The following RADIL variants were observed in gnomAD, a reference collection of about 807,000 sequenced individuals.
RADIL encodes ras-associating and dilute domain-containing protein.
Under a neutral mutation model 97.6 loss-of-function variants are expected in RADIL, and 99 were observed. The observed-to-expected ratio is 1.01, with a 90% CI of 0.86 to 1.20. The LOEUF (loss-of-function observed/expected upper bound fraction) is 1.20. Ranked by LOEUF, RADIL falls within the 50% of genes most tolerant of loss-of-function variation. The pLI is 0.00. For missense variants in RADIL, 1,765 were observed against 1,498.9 expected, an observed-to-expected ratio of 1.18 and a Z score of -2.93; for synonymous variants, 803 against 691.8, an observed-to-expected ratio of 1.16 and a Z score of -2.52.
chr7:4,833,216 A>G (rs565881149), intron 4 of RADIL, among the ~76,000 whole-genome samples: 19 of 152,308 alleles, frequency 1.2e-4, no homozygotes, highest in Non-Finnish European at 2.1e-4. Flanking sequence ...TGGCTGTGAC[A>G]TGGGGTGTGG....
intron 2 of RADIL, chr7:4,861,907 T>C (rs949378086): frequency 3.9e-6 from 3 of 765,094 alleles, no homozygotes; most frequent in Admixed American, 7.6e-5. Context: ...GGGCAGGGCT[T>C]CTAGCTGCCC....
intron 2 of RADIL, chr7:4,861,954 C>T: frequency 2.1e-6 from 1 of 484,852 alleles, no homozygotes; most frequent in East Asian, 3.3e-5. Context: ...TGCGCGCCCG[C>T]CGCTTCAGGA....
In RADIL at chr7:4,822,761, C is replaced by G. The variant is rs978394660; in HGVS notation, c.1455-207G>C. On this transcript the variant is annotated intron_variant, in intron 5 of 14. Coordinates refer to ENST00000399583, the MANE Select transcript of RADIL (RefSeq NM_018059.5). The surrounding 1 kb of genome is among the most constrained non-coding windows in gnomAD (Gnocchi z 5.3). ...AACACCCGACAGCCAGAGGACCCTA[C>G]AAACCTAGCAGGAAGACAGCTGGGC... Among the ~76,000 whole-genome samples the G allele has an allele frequency of 1.3e-5, 2 of 152,198 alleles. No individual in the cohort carries two copies. Among genetic ancestry groups the G allele is most frequent in the African/African-American group, 4.8e-5 (2 of 41,450 alleles).
At chr7:4,802,399 C>T (rs1441303102) in intron 11 of RADIL, among the ~76,000 whole-genome samples, 1 of 138,290 alleles carries the variant, frequency 7.2e-6, no homozygotes, top group African/African-American at 2.9e-5. Context: ...TCGGGGCACG[C>T]TGGCTGGGCC....
Position 4,877,818 on chromosome 7 carries a change from C to T in RADIL, c.322G>A (p.Gly108Ser), listed in dbSNP as rs1177781598. 1.7e-5 allele frequency: 27 copies of T among 1,609,056 alleles called. No homozygotes were observed. The Middle Eastern group carries it at 6.6e-4, about 39-fold the overall frequency. The change falls in exon 2 of 15, where the codon GGC (glycine) becomes AGC (serine). Residue 108 changes from glycine (G) to serine (S), a missense_variant. Physicochemically the swap from Gly to Ser is moderately conservative, Grantham distance 56. Coordinates refer to ENST00000399583, the MANE Select transcript of RADIL (RefSeq NM_018059.5). ...ACCACGTCACACAGCACGTACTGGC[C>T]GGCCTGCCTGGGGTCCAGGGCGTAC... ...ERYALDPRQA[G>S]QYVLCDVVGQ... is the part of the protein sequence containing the mutation.
intron 10 of RADIL, among the ~76,000 whole-genome samples, chr7:4,804,594 C>A (rs1029797657): frequency 2.6e-5 from 4 of 152,036 alleles, no homozygotes; most frequent in Non-Finnish European, 5.9e-5. Context: ...CGAGAGCAGC[C>A]TGGCCAACAT....
rs1451170769 is a variant in RADIL, at chr7:4,797,627, C to G, written c.*1751G>C. Reference sequence around the variant, plus strand: ...CACCAGGTCCAGAAATGCAGACCGTCCAGAGCTGTGAGACATTCTCGGCAG... The same window carrying G: ...CACCAGGTCCAGAAATGCAGACCGTGCAGAGCTGTGAGACATTCTCGGCAG... On this transcript the variant is annotated 3_prime_UTR_variant, in exon 15 of 15. Coordinates refer to ENST00000399583, the MANE Select transcript of RADIL (RefSeq NM_018059.5). The G allele has an allele frequency of 6.6e-6, 1 of 152,236 alleles. No individual in the cohort carries two copies. The highest frequency in any genetic ancestry group is 1.9e-4 in the East Asian group (1 of 5,196). The allele number at this position is 152,236 out of a possible 1,614,324, so 9.4% of individuals were successfully genotyped here.
In RADIL at chr7:4,824,361, C is replaced by T. The variant is rs1447259862; in HGVS notation, c.1455-1807G>A. Among the ~76,000 whole-genome samples the T allele has an allele frequency of 1.3e-5, 2 of 152,216 alleles. No individual in the cohort carries two copies. Among genetic ancestry groups the T allele is most frequent in the Non-Finnish European group, 2.9e-5 (2 of 68,032 alleles). On this transcript the variant is annotated intron_variant, in intron 5 of 14. Transcript: ENST00000399583. This position sits in a 1 kb window ranked among gnomAD's most constrained non-coding sequence, Gnocchi z 6.7. Reference sequence around the variant, plus strand: ...CGTGCTCAGTCCCAGGTGTGTGGACCCGGCCTGGGGTCCTTTGAAAGGTGC... The same window carrying T: ...CGTGCTCAGTCCCAGGTGTGTGGACTCGGCCTGGGGTCCTTTGAAAGGTGC...
intron 2 of RADIL, chr7:4,838,135 C>T: frequency 1.1e-6 from 1 of 884,548 alleles, no homozygotes. Flanking sequence ...TGCTCACCAC[C>T]CGTGCTCCTG....
At chr7:4,828,772 G>T (rs1783063947) in intron 5 of RADIL, among the ~76,000 whole-genome samples, 1 of 152,210 alleles carries the variant, frequency 6.6e-6, no homozygotes, top group Admixed American at 6.5e-5. Context: ...ATGCAAGAGG[G>T]ATGGAAACGG....
In RADIL at chr7:4,797,472, G is replaced by A. The variant is rs1781955263; in HGVS notation, c.*1906C>T. 1 of 152,164 alleles carries A rather than the reference G, an allele frequency of 6.6e-6. No homozygotes were observed. The highest frequency in any genetic ancestry group is 2.4e-5 in the African/African-American group (1 of 41,424). 9.4% of individuals were successfully genotyped at this position (152,164 alleles called of 1,614,324 possible). A position where few individuals can be genotyped will look rare whatever the true frequency, so the allele number is the denominator to read the frequency against. ...TCTCTTTGTGGGAGGAACTGTTGGT[G>A]GCCACCTTTGGAAATGCCTTGCCAC... is the stretch of plus-strand genomic sequence containing the variant. On this transcript the variant is annotated 3_prime_UTR_variant, in exon 15 of 15. Transcript: ENST00000399583.
In RADIL at chr7:4,837,645, A is replaced by G. The variant is rs2115005488; in HGVS notation, c.536-1040T>C. 6.6e-6 allele frequency among the ~76,000 whole-genome samples: 1 copy of G among 152,268 alleles called. No homozygotes were observed. The highest frequency in any genetic ancestry group is 2.1e-4 in the South Asian group (1 of 4,826). ...CATGCACCCAAAAACACACATGCAC[A>G]CACATACACACACGCCAACACACAT... On this transcript the variant is annotated intron_variant, in intron 2 of 14. Transcript: ENST00000399583. This position sits in a 1 kb window ranked among gnomAD's most constrained non-coding sequence, Gnocchi z 5.6.
At position 4,877,717 on chromosome 7, in the gene RADIL, G is replaced by A. The variant is rs774475743; in HGVS notation, c.423C>T (p.Leu141=). ...GGGGTTTCCATAATTCCTGGATCAA[G>A]AGGGGCTTCTCACTGTCCCCAAACA... ...FRVFGDSEKP[L]LIQELWKPRE... is the part of the protein sequence containing the mutation. The change falls in exon 2 of 15, where the codon CTC becomes CTT. Residue 141 remains leucine (L), a synonymous_variant. Coordinates refer to ENST00000399583, the MANE Select transcript of RADIL (RefSeq NM_018059.5). 3.1e-6 allele frequency: 5 copies of A among 1,614,138 alleles called. No individual in the cohort carries two copies. Among genetic ancestry groups the A allele is most frequent in the East Asian group, 2.2e-5 (1 of 44,884 alleles).
chr7:4,803,425 C>T lies in RADIL; in HGVS notation c.2499+121G>A, dbSNP rs565426024. The T allele has an allele frequency of 4.3e-5, 37 of 856,150 alleles. 3 individuals are homozygous for T. Among genetic ancestry groups the T allele is most frequent in the African/African-American group, 4.3e-4 (19 of 44,464 alleles). The allele number at this position is 856,150 out of a possible 1,614,324, so 53.0% of individuals were successfully genotyped here. On this transcript the variant is annotated intron_variant, in intron 11 of 14. Transcript: ENST00000399583. ...GGGCACACTGGCTGGGCCCCCTCCCCGGGCACCTCGGGGCACGCTGGCTGG... is the reference window on the plus strand; with the variant it reads ...GGGCACACTGGCTGGGCCCCCTCCCTGGGCACCTCGGGGCACGCTGGCTGG...
chr7:4,808,060 C>A (rs1200135611), intron 9 of RADIL, among the ~76,000 whole-genome samples: 1 of 124,468 alleles, frequency 8.0e-6, no homozygotes, highest in Non-Finnish European at 1.7e-5. Context: ...CTCCTTCTCT[C>A]CCTCCCTCCC....
At chr7:4,801,589 C>G in intron 12 of RADIL, 64 bp downstream of exon 12, 1 of 1,490,252 alleles carries the variant, frequency 6.7e-7, no homozygotes, top group East Asian at 2.5e-5. Context: ...CCCAGGGGAC[C>G]GGCCATCAGG....
At chr7:4,847,739 CAAAAAAAAAA>C (rs56177809) in intron 2 of RADIL, among the ~76,000 whole-genome samples, 406 of 23,814 alleles carry the variant, frequency 0.017, 2 homozygotes, top group African/African-American at 0.059. Context: ...AAGCTAGATG[CAAAAAAAAAA>C]AAAAAAAAAA....
At position 4,822,299 on chromosome 7, in the gene RADIL, A is replaced by C; in HGVS notation, c.1615+95T>G. 7.2e-7 allele frequency: 1 copy of C among 1,395,102 alleles called. No homozygotes were observed. The highest frequency in any genetic ancestry group is 9.6e-7 in the Non-Finnish European group (1 of 1,042,120). The allele number at this position is 1,395,102 out of a possible 1,614,324, so 86.4% of individuals were successfully genotyped here. The stretch of plus-strand genomic sequence containing the variant: ...CCCCCGGCATGAATCCACCCCTGCT[A>C]TCATGGCCAACTAGGTTCCGAGGAC... On this transcript the variant is annotated intron_variant, in intron 6 of 14. Coordinates refer to ENST00000399583, the MANE Select transcript of RADIL (RefSeq NM_018059.5). This position sits in a 1 kb window ranked among gnomAD's most constrained non-coding sequence, Gnocchi z 5.3.
At position 4,799,475 on chromosome 7, in the gene RADIL, T is replaced by C; in HGVS notation, c.3131A>G (p.Asp1044Gly). Reference protein sequence around the residue: ...LLGLGYLRAVDLIRHGGKKMR... With the variant: ...LLGLGYLRAVGLIRHGGKKMR... ...CTTCTTCCCGCCATGACGGATCAGG[T>C]CCACAGCTCTGAAATCCATGCCAGA... Residue 1044 changes from aspartate to glycine, a missense_variant, in exon 15 of 15, where the codon GAC becomes GGC. Transcript: ENST00000399583. 1 of 1,613,870 alleles carries C rather than the reference T, an allele frequency of 6.2e-7. No individual in the cohort carries two copies. Among genetic ancestry groups the C allele is most frequent in the Non-Finnish European group, 8.5e-7 (1 of 1,179,966 alleles).
Sources: allele counts gnomAD v4.1 joint callset (sites outside exome capture counted in the v4.1 genomes callset), GRCh38; gene constraint gnomAD v4.1.1; non-coding constraint Gnocchi (gnomAD v3.1); transcripts MANE v1.5; gene names NCBI Gene and HGNC (gene_info 2026-07-23, HGNC 2026-07-21).